Variants in PTPRN2 observed in about 807,000 individuals in gnomAD.
PTPRN2 encodes the protein protein tyrosine phosphatase receptor type N2, also known as receptor-type tyrosine-protein phosphatase N2.
Under a neutral mutation model 118.8 loss-of-function variants are expected in PTPRN2, and 74 were observed. The ratio of observed to expected loss-of-function variants is 0.62; its 90% CI spans 0.52 to 0.76. The LOEUF is 0.76. PTPRN2 is among the 30% of genes least tolerant of loss of function. The pLI is 0.00. For synonymous variants in PTPRN2, 641 were observed against 608.0 expected (o/e 1.05, Z -0.80); for missense variants, 1,481 against 1,394.4 (o/e 1.06, Z -0.99).
chr7:158,318,211 G>A (rs1802511116), intron 2 of PTPRN2, among the ~76,000 whole-genome samples: 2 of 152,202 alleles, frequency 1.3e-5, no homozygotes, highest in Non-Finnish European at 2.9e-5. Flanking sequence ...AGATGTGCCC[G>A]CTCCTTTGCC....
At chr7:158,475,286 G>A (rs1820167661) in intron 2 of PTPRN2, among the ~76,000 whole-genome samples, 1 of 141,512 alleles carries the variant, frequency 7.1e-6, no homozygotes, top group African/African-American at 3.1e-5. Flanking sequence ...GGCCCCGAAG[G>A]GCCCTGAGGA....
At chr7:157,674,000 A>T (rs1796540709) in intron 13 of PTPRN2, among the ~76,000 whole-genome samples, 1 of 152,140 alleles carries the variant, frequency 6.6e-6, no homozygotes, top group Admixed American at 6.5e-5. Flanking sequence ...TTTCTGAGAA[A>T]ACGCCTTCTG....
Position 157,592,481 on chromosome 7 carries a change from G to A in PTPRN2, c.2496+2757C>T, listed in dbSNP as rs575984902. Among the ~76,000 whole-genome samples the A allele has an allele frequency of 1.6e-3, 239 of 150,124 alleles. 1 individual carries two copies. Among genetic ancestry groups the A allele is most frequent in the African/African-American group, 5.5e-3 (226 of 40,848 alleles). On this transcript the variant is annotated intron_variant, in intron 17 of 22. Transcript: ENST00000389418. The stretch of plus-strand genomic sequence containing the variant: ...TTCACACAGGATGGAGGGTGGATGT[G>A]GCACCTGCTGAACGGAGGTTGGATG...
rs567029529 is a variant in PTPRN2 at position 158,174,952 on chromosome 7, C to T, written c.550-7661G>A. 2.0e-5 allele frequency among the ~76,000 whole-genome samples: 3 copies of T among 152,290 alleles called. No homozygotes were observed. The South Asian group carries it at 6.2e-4, about 32-fold the overall frequency. ...AGGCCTCTTCCTTTGACAAACATGCCTCTCCTGGAGATCCACCCAGCCCAG... is the reference window on the plus strand; with the variant it reads ...AGGCCTCTTCCTTTGACAAACATGCTTCTCCTGGAGATCCACCCAGCCCAG... On this transcript the variant is annotated intron_variant, in intron 5 of 22. Coordinates refer to ENST00000389418, the MANE Select transcript of PTPRN2 (RefSeq NM_002847.5).
rs937045296 is a variant in PTPRN2 at position 157,831,967 on chromosome 7, G to A, written c.1788+66706C>T. ...AAGAAGTTTGTCTGGCAGTTGCTTC[G>A]TCTGCATGAGGAGTGACGGCTGGGC... On this transcript the variant is annotated intron_variant, in intron 12 of 22. Coordinates refer to ENST00000389418, the MANE Select transcript of PTPRN2 (RefSeq NM_002847.5). This position sits in a 1 kb window ranked among gnomAD's most constrained non-coding sequence, Gnocchi z 4.8. Among the ~76,000 whole-genome samples the A allele has an allele frequency of 2.6e-5, 4 of 152,236 alleles. No homozygotes were observed. Among genetic ancestry groups the A allele is most frequent in the African/African-American group, 9.6e-5 (4 of 41,464 alleles).
chr7:158,169,170 C>T (rs772871274), intron 5 of PTPRN2, among the ~76,000 whole-genome samples: 1 of 152,144 alleles, frequency 6.6e-6, no homozygotes, highest in African/African-American at 2.4e-5. Flanking sequence ...TATTTGGGTT[C>T]ATCCTCTGAG....
chr7:158,275,380 G>C (rs900022337), intron 3 of PTPRN2, among the ~76,000 whole-genome samples: 25 of 152,246 alleles, frequency 1.6e-4, no homozygotes, highest in Admixed American at 1.6e-3. Context: ...GACCCACTCT[G>C]TTTTTTCTAC....
rs147467239 is a variant in PTPRN2 at position 158,535,763 on chromosome 7, G to A, written c.113-45978C>T. 2.7e-3 allele frequency among the ~76,000 whole-genome samples: 409 copies of A among 150,762 alleles called. 3 individuals are homozygous for A. The highest frequency in any genetic ancestry group is 9.4e-3 in the African/African-American group (387 of 40,980). On this transcript the variant is annotated intron_variant, in intron 1 of 22. Transcript: ENST00000389418. ...AACCATGATTGTTTTTACATAAAGT[G>A]TTTAAAAAAAAAGACTGGAAGGAAA... is the stretch of plus-strand genomic sequence containing the variant.
intron 2 of PTPRN2, among the ~76,000 whole-genome samples, chr7:158,448,796 C>T (rs1232133391): frequency 2.6e-5 from 4 of 152,192 alleles, no homozygotes; most frequent in South Asian, 2.1e-4. Flanking sequence ...GCCACTAGAA[C>T]GAGACTGGAC....
intron 10 of PTPRN2, among the ~76,000 whole-genome samples, chr7:158,087,410 C>G (rs1373581811): frequency 6.6e-6 from 1 of 152,230 alleles, no homozygotes; most frequent in Admixed American, 6.5e-5. Flanking sequence ...CCAGGCACAT[C>G]TATGGTAAGA....
chr7:157,664,493 G>A (rs1479104672), intron 13 of PTPRN2, among the ~76,000 whole-genome samples: 1 of 152,256 alleles, frequency 6.6e-6, no homozygotes, highest in East Asian at 1.9e-4. Context: ...GTAGTCGGGC[G>A]TGGTGGCTCA....
chr7:158,348,105 G>T (rs1162410521), intron 2 of PTPRN2, among the ~76,000 whole-genome samples: 2 of 152,124 alleles, frequency 1.3e-5, no homozygotes, highest in African/African-American at 4.8e-5. Context: ...TTCTCTGGTG[G>T]AAGATTCTCT....
At chr7:157,995,591 T>C (rs763365487) in intron 11 of PTPRN2, among the ~76,000 whole-genome samples, 10 of 152,234 alleles carry the variant, frequency 6.6e-5, no homozygotes, top group Non-Finnish European at 1.0e-4. Flanking sequence ...CCTGCAGTCT[T>C]AGAGTAGGAT....
intron 17 of PTPRN2, among the ~76,000 whole-genome samples, chr7:157,582,461 G>C (rs375326167): frequency 1.4e-4 from 21 of 152,268 alleles, no homozygotes; most frequent in Admixed American, 1.2e-3. Context: ...CTGGCACCTC[G>C]TGCCTGTTGG....
rs548416027 is a variant in PTPRN2, at chr7:158,209,278, A to C, written c.278-4005T>G. ...AGAGTGGTTGAATGGATTAAAAAAAAGACCCAATCATCTGTTGCCTATAAA... is the reference window on the plus strand; with the variant it reads ...AGAGTGGTTGAATGGATTAAAAAAACGACCCAATCATCTGTTGCCTATAAA... On this transcript the variant is annotated intron_variant, in intron 3 of 22. Transcript: ENST00000389418. 7.2e-5 allele frequency among the ~76,000 whole-genome samples: 11 copies of C among 152,306 alleles called. No individual in the cohort carries two copies. The Middle Eastern group carries it at 0.01, about 141-fold the overall frequency.
At chr7:157,960,033 C>G (rs979852659) in intron 11 of PTPRN2, among the ~76,000 whole-genome samples, 2 of 152,066 alleles carry the variant, frequency 1.3e-5, no homozygotes, top group African/African-American at 4.8e-5. Flanking sequence ...AGCTACAACA[C>G]GGGTAAACCT....
intron 12 of PTPRN2, among the ~76,000 whole-genome samples, chr7:157,767,341 T>C (rs920011793): frequency 2.6e-5 from 4 of 152,212 alleles, no homozygotes; most frequent in Admixed American, 1.3e-4. Flanking sequence ...CTGTTCCTCC[T>C]GGCATCTTGG....
rs1826948276 is a variant in PTPRN2, at chr7:158,555,860, C to T, written c.112+31698G>A. On this transcript the variant is annotated intron_variant, in intron 1 of 22. Transcript: ENST00000389418. This position sits in a 1 kb window ranked among gnomAD's most constrained non-coding sequence, Gnocchi z 4.7. ...ATCCTATCTTCGAGGACCCAGCTCG[C>T]AGAGAACAAAATCTGTGAACAATAA... Among the ~76,000 whole-genome samples the T allele has an allele frequency of 6.6e-6, 1 of 152,066 alleles. No individual in the cohort carries two copies.
At chr7:157,842,276 G>C (rs1228720125) in intron 12 of PTPRN2, among the ~76,000 whole-genome samples, 1 of 152,066 alleles carries the variant, frequency 6.6e-6, no homozygotes, top group Non-Finnish European at 1.5e-5. Context: ...GCTCCAATCA[G>C]CCGCCTCGTC....
Sources: gnomAD v4.1 joint callset for allele counts (sites outside exome capture counted in the v4.1 genomes callset) on GRCh38, gnomAD v4.1.1 for gene constraint, Gnocchi (gnomAD v3.1) non-coding constraint, MANE v1.5 for transcripts, NCBI Gene and HGNC (gene_info 2026-07-23, HGNC 2026-07-21) for gene names.